SLC9A7: variants seen among roughly 807,000 people sequenced by gnomAD.
SLC9A7 encodes solute carrier family 9 member A7.
SLC9A7 carries 19 observed loss-of-function variants against 52.6 expected under a neutral mutation model. The ratio of observed to expected loss-of-function variants is 0.36; its 90% CI spans 0.25 to 0.53. The LOEUF is 0.53. SLC9A7 is among the 20% of genes least tolerant of loss of function. The pLI, the probability that SLC9A7 is intolerant of heterozygous loss-of-function variation, is 0.91. For missense variants in SLC9A7, 455 were observed against 597.9 expected (o/e 0.76, Z 2.49); for synonymous variants, 226 against 252.1 (o/e 0.90, Z 0.98).
chrX:46,614,594 G>A (rs1044278962), intron 15 of SLC9A7, among the ~76,000 whole-genome samples: 1 of 111,809 alleles, frequency 8.9e-6, no homozygotes, highest in Non-Finnish European at 1.9e-5. Context: ...TGTCCCCTGG[G>A]AAGCAAACTT....
chrX:46,635,752 T>C, intron 12 of SLC9A7, 104 bp from the exon 13 acceptor site: 1 of 580,456 alleles, frequency 1.7e-6, no homozygotes, highest in Non-Finnish European at 2.9e-6. Context: ...TATTTTTCAC[T>C]TTCAATATGA....
At chrX:46,694,683 T>C (rs751833586) in intron 1 of SLC9A7, among the ~76,000 whole-genome samples, 1 of 112,060 alleles carries the variant, frequency 8.9e-6, no homozygotes, top group East Asian at 2.8e-4. Context: ...GTTTGCAGTT[T>C]CTTAAAAAGT....
At chrX:46,671,918 G>C (rs1425260312) in intron 4 of SLC9A7, among the ~76,000 whole-genome samples, 2 of 111,710 alleles carry the variant, frequency 1.8e-5, no homozygotes, top group Non-Finnish European at 3.8e-5. Flanking sequence ...GAGTGGGAGG[G>C]GACTGAGCTC....
At chrX:46,730,762 A>T (rs183692725) in intron 1 of SLC9A7, among the ~76,000 whole-genome samples, 1 of 94,385 alleles carries the variant, frequency 1.1e-5, no homozygotes, top group Non-Finnish European at 2.1e-5. Flanking sequence ...TAAAATATCC[A>T]GGAATAAACT....
chrX:46,731,499 G>A (rs1166403719), intron 1 of SLC9A7, among the ~76,000 whole-genome samples: 1 of 107,468 alleles, frequency 9.3e-6, no homozygotes, highest in Non-Finnish European at 1.9e-5. Flanking sequence ...CTATTTGTGA[G>A]GCTGGGGCAG....
intron 1 of SLC9A7, chrX:46,725,336 A>G: frequency 8.5e-7 from 1 of 1,173,589 alleles, no homozygotes; most frequent in Non-Finnish European, 1.2e-6. Flanking sequence ...CTTCTAGGTC[A>G]TCTTCATCCA....
rs1044956748 is a variant in SLC9A7 at position 46,603,349 on chromosome X, T to C, written c.*3603A>G. 1 of 112,139 alleles carries C rather than the reference T, an allele frequency of 8.9e-6. No homozygotes were observed. Among genetic ancestry groups the C allele is most frequent in the African/African-American group, 3.2e-5 (1 of 30,841 alleles). 9.2% of individuals were successfully genotyped at this position (112,139 alleles called of 1,213,427 possible). A position where few individuals can be genotyped will look rare whatever the true frequency, so the allele number is the denominator to read the frequency against. On this transcript the variant is annotated 3_prime_UTR_variant, in exon 17 of 17. Transcript: ENST00000616978. ...CTGATGGGAAGCCCACCCCTCTAGT[T>C]TTGGTCTTGGCAATCTACATTTCCT...
chrX:46,652,025 C>T (rs981151585), intron 8 of SLC9A7, among the ~76,000 whole-genome samples: 6 of 109,949 alleles, frequency 5.5e-5, no homozygotes, highest in Non-Finnish European at 1.1e-4. Flanking sequence ...CTCCAACTAC[C>T]ATCTGTAGTT....
At chrX:46,690,713 T>C (rs777738771) in intron 1 of SLC9A7, among the ~76,000 whole-genome samples, 5 of 112,144 alleles carry the variant, frequency 4.5e-5, no homozygotes, top group South Asian at 3.7e-4. Flanking sequence ...ATTTCTTATG[T>C]TTTTAAGTGT....
rs754686716 is a variant in SLC9A7 at position 46,600,240 on chromosome X, T to G, written c.*6712A>C. On this transcript the variant is annotated 3_prime_UTR_variant, in exon 17 of 17. Coordinates refer to ENST00000616978, the MANE Select transcript of SLC9A7 (RefSeq NM_001257291.2). ...TCCAGTAACACCTGAATTGTAGCCT[T>G]TTTTAAGTGCTTGAGACAGCAGATG... 2 of 112,264 alleles carry G rather than the reference T, an allele frequency of 1.8e-5. No individual in the cohort carries two copies. The highest frequency in any genetic ancestry group is 3.8e-5 in the Non-Finnish European group (2 of 53,306). The allele number at this position is 112,264 out of a possible 1,213,427, so 9.3% of individuals were successfully genotyped here.
At chrX:46,698,977 C>T (rs981125589) in intron 1 of SLC9A7, among the ~76,000 whole-genome samples, 1 of 111,402 alleles carries the variant, frequency 9.0e-6, no homozygotes, top group Non-Finnish European at 1.9e-5. Flanking sequence ...CTGAGTCAAT[C>T]GCTCTTCAAG....
At chrX:46,718,810 A>G (rs1337358135) in intron 1 of SLC9A7, among the ~76,000 whole-genome samples, 2 of 112,062 alleles carry the variant, frequency 1.8e-5, no homozygotes, top group African/African-American at 6.5e-5. Context: ...GGTGCTGGAG[A>G]GGATGTGGAG....
At chrX:46,742,084 T>A (rs1161373376) in intron 1 of SLC9A7, among the ~76,000 whole-genome samples, 1 of 111,704 alleles carries the variant, frequency 9.0e-6, no homozygotes, top group Non-Finnish European at 1.9e-5. Context: ...ATACTGCTAT[T>A]CATCTATTAG....
chrX:46,653,200 G>T (rs1343866712), intron 8 of SLC9A7, among the ~76,000 whole-genome samples: 2 of 111,017 alleles, frequency 1.8e-5, no homozygotes, highest in African/African-American at 6.6e-5. Flanking sequence ...TTTGAGACCA[G>T]CCTGGACAAC....
At chrX:46,693,837 G>A (rs1007664968) in intron 1 of SLC9A7, among the ~76,000 whole-genome samples, 1 of 110,932 alleles carries the variant, frequency 9.0e-6, no homozygotes, top group Non-Finnish European at 1.9e-5. Flanking sequence ...GATCACTTGA[G>A]GCCAGGAGTT....
chrX:46,641,444 T>C (rs1331219721), intron 12 of SLC9A7, among the ~76,000 whole-genome samples: 1 of 111,982 alleles, frequency 8.9e-6, no homozygotes, highest in Non-Finnish European at 1.9e-5. Context: ...CCAGAGCATC[T>C]ACTAGGTGAC....
At chrX:46,742,193 GA>G (rs1235036965) in intron 1 of SLC9A7, among the ~76,000 whole-genome samples, 1 of 111,439 alleles carries the variant, frequency 9.0e-6, no homozygotes, top group African/African-American at 3.3e-5. Flanking sequence ...AGTTGCCCTA[GA>G]AAACAGTTCG....
chrX:46,600,824 C>G lies in SLC9A7; in HGVS notation c.*6128G>C, dbSNP rs1235299326. 1 of 111,523 alleles carries G rather than the reference C, an allele frequency of 9.0e-6. No individual in the cohort carries two copies. Among genetic ancestry groups the G allele is most frequent in the Admixed American group, 9.6e-5 (1 of 10,421 alleles). 9.2% of individuals were successfully genotyped at this position (111,523 alleles called of 1,213,427 possible). A position where few individuals can be genotyped will look rare whatever the true frequency, so the allele number is the denominator to read the frequency against. ...GTTTTAGAAAGGGGGATGATCTTTT[C>G]AGGTATCAAAGTGGTAAAAGCAGTA... On this transcript the variant is annotated 3_prime_UTR_variant, in exon 17 of 17. Transcript: ENST00000616978.
intron 3 of SLC9A7, among the ~76,000 whole-genome samples, chrX:46,675,371 G>A (rs1944102479): frequency 9.0e-6 from 1 of 111,598 alleles, no homozygotes; most frequent in Admixed American, 9.5e-5. Context: ...ATCAGAGATG[G>A]CAACCATATT....
Sources: allele counts gnomAD v4.1 joint callset (sites outside exome capture counted in the v4.1 genomes callset), GRCh38; gene constraint gnomAD v4.1.1; transcripts MANE v1.5; gene names NCBI Gene and HGNC (gene_info 2026-07-23, HGNC 2026-07-21).